CAPZB: variants seen among roughly 807,000 people sequenced by gnomAD.
CAPZB encodes the protein F-actin-capping protein subunit beta.
Under a neutral mutation model 38.1 loss-of-function variants are expected in CAPZB, and 2 were observed. The observed-to-expected ratio is 0.05, with a 90% confidence interval of 0.02 to 0.17. The LOEUF is 0.17. Among genes scored for constraint, CAPZB ranks in the 10% least tolerant of loss-of-function variants. The probability of loss-of-function intolerance (pLI) is 1.00; values close to 1 mark genes in which losing one functional copy is unlikely to be tolerated. For missense variants in CAPZB, 161 were observed against 334.2 expected, an observed-to-expected ratio of 0.48 and a Z score of 4.04; for synonymous variants, 107 against 127.4, an observed-to-expected ratio of 0.84 and a Z score of 1.08.
chr1:19,398,876 CTCT>C (rs1302574793), intron 2 of CAPZB, among the ~76,000 whole-genome samples: 1 of 102,580 alleles, frequency 9.7e-6, no homozygotes, highest in Non-Finnish European at 2.1e-5. Context: ...AGCTGCACAA[CTCT>C]TTTTTTTTTT....
chr1:19,397,858 G>A (rs560630266), intron 2 of CAPZB, among the ~76,000 whole-genome samples: 151 of 152,226 alleles, frequency 9.9e-4, no homozygotes, highest in African/African-American at 3.6e-3. Flanking sequence ...CGCGCCACCC[G>A]AATGCGGGAG....
At chr1:19,376,910 A>G (rs1298391103) in intron 4 of CAPZB, among the ~76,000 whole-genome samples, 1 of 152,208 alleles carries the variant, frequency 6.6e-6, no homozygotes, top group African/African-American at 2.4e-5. Context: ...GAACCTGGGT[A>G]AGTTATATCA....
intron 1 of CAPZB, among the ~76,000 whole-genome samples, chr1:19,452,085 A>G (rs780457050): frequency 6.6e-5 from 10 of 151,824 alleles, no homozygotes; most frequent in Non-Finnish European, 1.3e-4. Flanking sequence ...AAGCTTTCCA[A>G]GACTTACCTG....
intron 2 of CAPZB, among the ~76,000 whole-genome samples, chr1:19,386,478 T>C (rs933752489): frequency 1.3e-5 from 2 of 152,218 alleles, no homozygotes; most frequent in African/African-American, 4.8e-5. Flanking sequence ...CCTGGGTTTA[T>C]GGGGGCTCCA....
chr1:19,404,133 T>A (rs1294468641), intron 2 of CAPZB, among the ~76,000 whole-genome samples: 1 of 147,344 alleles, frequency 6.8e-6, no homozygotes, highest in Non-Finnish European at 1.5e-5. Flanking sequence ...CTCGGGAGGC[T>A]GAAGCAGGAG....
intron 4 of CAPZB, among the ~76,000 whole-genome samples, chr1:19,358,933 C>A (rs2094036949): frequency 6.6e-6 from 1 of 152,224 alleles, no homozygotes; most frequent in Non-Finnish European, 1.5e-5. Flanking sequence ...CTCTAGCACG[C>A]CCAGCTATGA....
intron 2 of CAPZB, among the ~76,000 whole-genome samples, chr1:19,405,370 C>G (rs1356332695): frequency 6.6e-6 from 1 of 151,922 alleles, no homozygotes; most frequent in Admixed American, 6.6e-5. Flanking sequence ...GCTTTCAGTG[C>G]GTTAGATAAA....
chr1:19,400,606 C>T (rs1056093982), intron 2 of CAPZB, among the ~76,000 whole-genome samples: 2 of 152,104 alleles, frequency 1.3e-5, no homozygotes, highest in South Asian at 4.1e-4. Context: ...TTCACTTTTA[C>T]GTCTCACATT....
At chr1:19,421,977 A>ATC (rs146141002) in intron 1 of CAPZB, among the ~76,000 whole-genome samples, 19 of 150,144 alleles carry the variant, frequency 1.3e-4, no homozygotes, top group African/African-American at 2.9e-4. Flanking sequence ...CCAGCCCTGG[A>ATC]TCTCTCTCTC....
chr1:19,438,401 A>G (rs1284351348), intron 1 of CAPZB, among the ~76,000 whole-genome samples: 1 of 152,160 alleles, frequency 6.6e-6, no homozygotes, highest in East Asian at 1.9e-4. Context: ...CCTCTCTTCT[A>G]CCACCTCGAA....
chr1:19,380,078 T>A (rs1302750030), intron 3 of CAPZB, among the ~76,000 whole-genome samples: 1 of 152,194 alleles, frequency 6.6e-6, no homozygotes, highest in African/African-American at 2.4e-5. Context: ...ATCTTTCTTC[T>A]TGGTAAGTGA....
intron 4 of CAPZB, among the ~76,000 whole-genome samples, chr1:19,359,036 CTGT>C (rs774573972): frequency 6.6e-6 from 1 of 152,174 alleles, no homozygotes. Context: ...CTTTCTACGG[CTGT>C]TGAGAGACAA....
intron 2 of CAPZB, among the ~76,000 whole-genome samples, chr1:19,401,873 C>G (rs1013451834): frequency 6.6e-6 from 1 of 152,174 alleles, no homozygotes; most frequent in African/African-American, 2.4e-5. Context: ...TATTTGGCTT[C>G]CAGGTGGTGG....
At chr1:19,344,579 C>T in intron 7 of CAPZB, 145 bp from the exon 8 acceptor site, 1 of 675,198 alleles carries the variant, frequency 1.5e-6, no homozygotes, top group Non-Finnish European at 2.7e-6. Flanking sequence ...GAGCGCGCTC[C>T]AGGCTGCCAA....
rs770809238 is a variant in CAPZB, at chr1:19,344,408, C to T, written c.681G>A (p.Thr227=). ...TTTTTCCAAAGTAGATCTCGTTCAGCGTACTTCTGATTTTATTTTCCATGT... is the reference window on the plus strand; with the variant it reads ...TTTTTCCAAAGTAGATCTCGTTCAGTGTACTTCTGATTTTATTTTCCATGT... The part of the protein sequence containing the change: ...VEDMENKIRS[T]LNEIYFGKTK... The change falls in exon 8 of 9, where the codon ACG becomes ACA. Residue 227 remains threonine, a synonymous_variant. Coordinates refer to ENST00000264202, the MANE Select transcript of CAPZB (RefSeq NM_004930.5). 3.6e-5 allele frequency: 58 copies of T among 1,613,990 alleles called. No individual in the cohort carries two copies. Among genetic ancestry groups the T allele is most frequent in the Middle Eastern group, 1.6e-4 (1 of 6,084 alleles).
intron 6 of CAPZB, among the ~76,000 whole-genome samples, chr1:19,353,508 C>T (rs1353030661): frequency 6.6e-6 from 1 of 152,046 alleles, no homozygotes; most frequent in African/African-American, 2.4e-5. Flanking sequence ...CCTCATGCCT[C>T]AGACTGACAC....
chr1:19,339,371 G>T lies in CAPZB; in HGVS notation c.*159C>A. 1.5e-6 allele frequency: 1 copy of T among 689,140 alleles called. No individual in the cohort carries two copies. Among genetic ancestry groups the T allele is most frequent in the Non-Finnish European group, 2.6e-6 (1 of 381,762 alleles). The allele number at this position is 689,140 out of a possible 1,614,324, so 42.7% of individuals were successfully genotyped here. On this transcript the variant is annotated 3_prime_UTR_variant, in exon 9 of 9. Transcript: ENST00000264202. ...CGGAGCCGGAGGAGGGTGGCTATCG[G>T]CTTTATTCTCAGGGAGAGATGGCGC...
chr1:19,378,016 G>C (rs1031824414), intron 4 of CAPZB, among the ~76,000 whole-genome samples: 1 of 152,308 alleles, frequency 6.6e-6, no homozygotes, highest in Admixed American at 6.5e-5. Flanking sequence ...AGAAGTGAGC[G>C]TGTGGTATGG....
At chr1:19,422,922 G>A (rs2094407262) in intron 1 of CAPZB, among the ~76,000 whole-genome samples, 1 of 152,182 alleles carries the variant, frequency 6.6e-6, no homozygotes, top group East Asian at 1.9e-4. Flanking sequence ...CTAGAAAACT[G>A]AGCAGTGTTA....
Sources: allele counts gnomAD v4.1 joint callset (sites outside exome capture counted in the v4.1 genomes callset), GRCh38; gene constraint gnomAD v4.1.1; transcripts MANE v1.5; gene names NCBI Gene and HGNC (gene_info 2026-07-23, HGNC 2026-07-21).